KCNN2: variants seen among roughly 807,000 people sequenced by gnomAD.
The protein encoded by KCNN2 is potassium calcium-activated channel subfamily N member 2, also known as small conductance calcium-activated potassium channel protein 2.
Under a neutral mutation model 55.5 loss-of-function variants are expected in KCNN2, and 24 were observed. That is an observed-to-expected ratio of 0.43 (90% confidence interval 0.31 to 0.61). The LOEUF is 0.61. Ranked by LOEUF, KCNN2 falls within the 20% of genes least tolerant of loss-of-function variation. The probability of loss-of-function intolerance (pLI) is 0.08; values close to 1 mark genes in which losing one functional copy is unlikely to be tolerated. For missense variants in KCNN2, 754 were observed against 853.6 expected (o/e 0.88, Z 1.45); for synonymous variants, 431 against 336.1 (o/e 1.28, Z -3.09).
intron 2 of KCNN2, among the ~76,000 whole-genome samples, chr5:114,295,150 A>T (rs1458684541): frequency 6.6e-6 from 1 of 152,198 alleles, no homozygotes; most frequent in African/African-American, 2.4e-5. Flanking sequence ...CTCAGGGCTC[A>T]GAGACCCACT....
At chr5:114,077,426 G>C (rs950405872) in intron 1 of KCNN2, among the ~76,000 whole-genome samples, 73 of 152,302 alleles carry the variant, frequency 4.8e-4, no homozygotes, top group African/African-American at 1.8e-3. Context: ...CCCTCTAGTA[G>C]GGGCATAGTG....
chr5:114,120,050 G>T (rs1375087993), intron 1 of KCNN2, among the ~76,000 whole-genome samples: 1 of 152,082 alleles, frequency 6.6e-6, no homozygotes, highest in East Asian at 1.9e-4. Flanking sequence ...GCCAGGGAAG[G>T]TCAACAAGGG....
chr5:114,449,678 AC>A (rs1760566440), intron 3 of KCNN2, among the ~76,000 whole-genome samples: 1 of 152,154 alleles, frequency 6.6e-6, no homozygotes, highest in Non-Finnish European at 1.5e-5. Context: ...CAAGACCCTG[AC>A]TTTTATATCT....
intron 1 of KCNN2, among the ~76,000 whole-genome samples, chr5:114,176,990 CT>C (rs1753142847): frequency 6.6e-6 from 1 of 152,050 alleles, no homozygotes; most frequent in African/African-American, 2.4e-5. Context: ...AACCATAACT[CT>C]CTTCTCATGT....
chr5:114,160,943 C>T (rs966247108), intron 1 of KCNN2, among the ~76,000 whole-genome samples: 1 of 152,206 alleles, frequency 6.6e-6, no homozygotes, highest in East Asian at 1.9e-4. Flanking sequence ...ACTGATGGGT[C>T]TTGACTCTTT....
At chr5:114,206,419 TC>T (rs1753777433) in intron 1 of KCNN2, among the ~76,000 whole-genome samples, 1 of 152,148 alleles carries the variant, frequency 6.6e-6, no homozygotes, top group African/African-American at 2.4e-5. Flanking sequence ...AGCTCCTGAA[TC>T]CATGATTTCT....
intron 2 of KCNN2, among the ~76,000 whole-genome samples, chr5:114,313,396 A>T (rs774199207): frequency 1.3e-5 from 2 of 152,192 alleles, no homozygotes; most frequent in Non-Finnish European, 2.9e-5. Flanking sequence ...AGTCATTTGT[A>T]TGTATATAGC....
intron 1 of KCNN2, among the ~76,000 whole-genome samples, chr5:114,121,599 G>A (rs771425201): frequency 1.2e-4 from 18 of 152,136 alleles, no homozygotes; most frequent in Non-Finnish European, 2.5e-4. Context: ...TGACAATAAG[G>A]AAAGTTGCCC....
At chr5:114,398,339 C>T (rs977392489) in intron 2 of KCNN2, among the ~76,000 whole-genome samples, 7 of 152,034 alleles carry the variant, frequency 4.6e-5, no homozygotes, top group East Asian at 1.9e-4. Context: ...GTAGATGTGT[C>T]GCATTATGTC....
intron 4 of KCNN2, among the ~76,000 whole-genome samples, chr5:114,467,080 T>G (rs1004193594): frequency 2.0e-5 from 3 of 152,196 alleles, no homozygotes; most frequent in Admixed American, 6.5e-5. Flanking sequence ...ATTTGCCCTG[T>G]GCCGAGGAAA....
intron 1 of KCNN2, among the ~76,000 whole-genome samples, chr5:114,095,207 A>G (rs1400432668): frequency 6.6e-6 from 1 of 152,118 alleles, no homozygotes; most frequent in Non-Finnish European, 1.5e-5. Context: ...GACACAGAAC[A>G]TCACTGTGTT....
At chr5:114,261,557 A>G (rs1755108364) in intron 2 of KCNN2, among the ~76,000 whole-genome samples, 1 of 152,200 alleles carries the variant, frequency 6.6e-6, no homozygotes, top group Non-Finnish European at 1.5e-5. Flanking sequence ...ACTTAAGGGA[A>G]CAGGATATAT....
At chr5:114,323,552 T>A (rs909811723) in intron 2 of KCNN2, among the ~76,000 whole-genome samples, 2 of 151,842 alleles carry the variant, frequency 1.3e-5, no homozygotes, top group African/African-American at 2.4e-5. Context: ...AAAATTCACA[T>A]CTGTAAGATA....
chr5:114,253,941 A>G (rs1754931085), intron 2 of KCNN2, among the ~76,000 whole-genome samples: 1 of 152,204 alleles, frequency 6.6e-6, no homozygotes, highest in Non-Finnish European at 1.5e-5. Flanking sequence ...TTCTGCATCA[A>G]GGACCTTTAT....
At chr5:114,451,708 A>T (rs1760688729) in intron 3 of KCNN2, among the ~76,000 whole-genome samples, 1 of 152,104 alleles carries the variant, frequency 6.6e-6, no homozygotes. Flanking sequence ...CATCCTGCCT[A>T]ACATGGTGAA....
chr5:114,172,101 C>T (rs1302304454), intron 1 of KCNN2, among the ~76,000 whole-genome samples: 1 of 151,836 alleles, frequency 6.6e-6, no homozygotes, highest in Non-Finnish European at 1.5e-5. Context: ...GAAGATAAGC[C>T]TTTGGAGATG....
At chr5:114,355,783 T>C (rs1447146668) in intron 2 of KCNN2, among the ~76,000 whole-genome samples, 1 of 152,156 alleles carries the variant, frequency 6.6e-6, no homozygotes, top group African/African-American at 2.4e-5. Flanking sequence ...CATTTGCCAG[T>C]GTCAATATTA....
intron 1 of KCNN2, among the ~76,000 whole-genome samples, chr5:114,109,242 G>C (rs774091132): frequency 3.9e-5 from 6 of 152,076 alleles, no homozygotes; most frequent in African/African-American, 4.8e-5. Flanking sequence ...TGAGTTATTT[G>C]CCATGTAGCT....
chr5:114,119,413 TTTAA>T (rs1158667890), intron 1 of KCNN2, among the ~76,000 whole-genome samples: 7 of 152,350 alleles, frequency 4.6e-5, no homozygotes, highest in South Asian at 2.1e-4. Flanking sequence ...TTTTTTGTGC[TTTAA>T]TTCTTTTTCA....
Sources: gnomAD v4.1 joint callset for allele counts (sites outside exome capture counted in the v4.1 genomes callset) on GRCh38, gnomAD v4.1.1 for gene constraint, MANE v1.5 for transcripts, NCBI Gene and HGNC (gene_info 2026-07-23, HGNC 2026-07-21) for gene names.